BAIAP2L2: variants seen among roughly 807,000 people sequenced by gnomAD.
BAIAP2L2 encodes BAR/IMD domain-containing adapter protein 2-like 2.
Under a neutral mutation model 60.4 loss-of-function variants are expected in BAIAP2L2, and 65 were observed. That is an observed-to-expected ratio of 1.08 (90% CI 0.88 to 1.32). BAIAP2L2 has a LOEUF of 1.32. BAIAP2L2 is among the 40% of genes most tolerant of loss of function. The pLI, the probability that BAIAP2L2 is intolerant of heterozygous loss-of-function variation, is 0.00. For missense variants in BAIAP2L2, 836 were observed against 741.2 expected (o/e 1.13, Z -1.48); for synonymous variants, 344 against 301.7 (o/e 1.14, Z -1.45).
At chr22:38,100,851 G>C (rs1406258585) in intron 4 of BAIAP2L2, among the ~76,000 whole-genome samples, 1 of 152,216 alleles carries the variant, frequency 6.6e-6, no homozygotes, top group East Asian at 1.9e-4. Context: ...CTGAGTGAAA[G>C]AAGCTAGACA....
chr22:38,089,403 G>A, intron 8 of BAIAP2L2, 119 bp downstream of exon 8: 2 of 619,226 alleles, frequency 3.2e-6, no homozygotes, highest in Non-Finnish European at 4.6e-6. Context: ...CAGGCCGGGG[G>A]ATGCAGCGTA....
intron 4 of BAIAP2L2, among the ~76,000 whole-genome samples, chr22:38,099,395 A>G (rs749491872): frequency 1.6e-4 from 24 of 152,134 alleles, no homozygotes; most frequent in Non-Finnish European, 2.9e-4. Context: ...TCAGCCAGGC[A>G]TGGTGGTGCG....
At chr22:38,089,895 C>G (rs949503514) in intron 7 of BAIAP2L2, among the ~76,000 whole-genome samples, 3 of 152,000 alleles carry the variant, frequency 2.0e-5, no homozygotes, top group African/African-American at 7.2e-5. Flanking sequence ...TCTGACCCCC[C>G]GCTTCCCGCG....
At position 38,098,145 on chromosome 22, in the gene BAIAP2L2, T is replaced by C; in HGVS notation, c.383A>G (p.His128Arg). 6.2e-7 allele frequency: 1 copy of C among 1,614,080 alleles called. No individual in the cohort carries two copies. Among genetic ancestry groups the C allele is most frequent in the Non-Finnish European group, 8.5e-7 (1 of 1,180,022 alleles). ...GCACTTCTCCAGGTTGGCCGCTCGG[T>C]GGCGGTACTCGAGCTCATAGTGCTG... ...SRQHYELEYR[H>R]RAANLEKCMS... Residue 128 changes from histidine to arginine, a missense_variant, in exon 6 of 14, where the codon CAC (histidine) becomes CGC (arginine). Transcript: ENST00000381669.
At chr22:38,104,625 A>C (rs913468867) in intron 4 of BAIAP2L2, among the ~76,000 whole-genome samples, 4 of 150,986 alleles carry the variant, frequency 2.6e-5, no homozygotes, top group Non-Finnish European at 5.9e-5. Flanking sequence ...CCTCCCGAGT[A>C]GCTGGGACTA....
intron 4 of BAIAP2L2, among the ~76,000 whole-genome samples, chr22:38,104,548 T>G (rs1246234062): frequency 2.0e-5 from 3 of 148,666 alleles, no homozygotes; most frequent in Admixed American, 1.4e-4. Context: ...CAGGCTGGAG[T>G]GCAGTGGCGC....
intron 7 of BAIAP2L2, chr22:38,093,800 C>G: frequency 4.8e-6 from 2 of 420,298 alleles, no homozygotes; most frequent in South Asian, 1.7e-5. Flanking sequence ...GTTCCACAAA[C>G]AGTTAAACAT....
chr22:38,091,353 G>C (rs1325059677), intron 7 of BAIAP2L2: 2 of 152,330 alleles, frequency 1.3e-5, no homozygotes, highest in East Asian at 1.9e-4. Flanking sequence ...ACTGCACCCA[G>C]TCACATGTCG....
chr22:38,101,872 C>T (rs573367607), intron 4 of BAIAP2L2, among the ~76,000 whole-genome samples: 1 of 151,910 alleles, frequency 6.6e-6, no homozygotes, highest in East Asian at 1.9e-4. Flanking sequence ...AACAAACAAA[C>T]AAAACAAAAC....
At chr22:38,106,932 T>C (rs1409368457) in intron 4 of BAIAP2L2, among the ~76,000 whole-genome samples, 1 of 152,092 alleles carries the variant, frequency 6.6e-6, no homozygotes, top group East Asian at 1.9e-4. Context: ...CTCCCAGTCT[T>C]GGGAGGGATA....
At chr22:38,098,003 TCGCCCCGA>T in intron 6 of BAIAP2L2, 52 bp downstream of exon 6, 3 of 540,970 alleles carry the variant, frequency 5.5e-6, no homozygotes, top group Non-Finnish European at 7.7e-6. Flanking sequence ...GGGCCCGGTC[TCGCCCCGA>T]GGTCTGCCCA....
chr22:38,104,256 A>G (rs144122128), intron 4 of BAIAP2L2, among the ~76,000 whole-genome samples: 10 of 152,322 alleles, frequency 6.6e-5, no homozygotes, highest in Middle Eastern at 3.4e-3. Flanking sequence ...GATGCATGGC[A>G]GATCTAGACA....
At position 38,085,085 on chromosome 22, in the gene BAIAP2L2, G is replaced by C; in HGVS notation, c.*215C>G. The C allele has an allele frequency of 1.9e-6, 1 of 536,818 alleles. No homozygotes were observed. The highest frequency in any genetic ancestry group is 3.4e-6 in the Non-Finnish European group (1 of 298,002). The allele number at this position is 536,818 out of a possible 1,614,324, so 33.3% of individuals were successfully genotyped here. A position where few individuals can be genotyped will look rare whatever the true frequency, so the allele number is the denominator to read the frequency against. On this transcript the variant is annotated 3_prime_UTR_variant, in exon 14 of 14. Transcript: ENST00000381669. ...CCCCTGGAGGGGGAGAAATTGTCCT[G>C]TCCCCCCATTCCGCCTGCTTTACTT...
rs986894172 is a variant in BAIAP2L2 at position 38,085,883 on chromosome 22, C to G, written c.1468-151G>C. 4.3e-5 allele frequency: 35 copies of G among 809,030 alleles called. No individual in the cohort carries two copies. In the African/African-American group the frequency reaches 5.4e-4, roughly 12 times the overall value. 50.1% of individuals were successfully genotyped at this position (809,030 alleles called of 1,614,324 possible). On this transcript the variant is annotated intron_variant, in intron 12 of 13. Coordinates refer to ENST00000381669, the MANE Select transcript of BAIAP2L2 (RefSeq NM_025045.6). ...TCCTGGAAAATGAGACCCTGACGTT[C>G]TGAAGCCCAGAATTCTGTGGGTTGC...
chr22:38,086,467 AG>A lies in BAIAP2L2; in HGVS notation c.1260-19del, dbSNP rs1229539765. The A allele has an allele frequency of 2.7e-6, 4 of 1,477,668 alleles. No homozygotes were observed. The highest frequency in any genetic ancestry group is 3.6e-6 in the Non-Finnish European group (4 of 1,107,034). The allele number at this position is 1,477,668 out of a possible 1,614,324, so 91.5% of individuals were successfully genotyped here. ...GGTAGGACCTAAGTCCAGAGAAAGG[AG>A]GGGGAAGGAAAGGGGTTGGGGCCTG... On this transcript the variant is annotated intron_variant, in intron 11 of 13. Transcript: ENST00000381669.
At chr22:38,089,459 G>C in intron 8 of BAIAP2L2, 63 bp downstream of exon 8, 1 of 978,832 alleles carries the variant, frequency 1.0e-6, no homozygotes, top group Non-Finnish European at 1.3e-6. Flanking sequence ...GGGGCCTGAG[G>C]CCCCGGGCCC....
Position 38,085,707 on chromosome 22 carries a change from G to A in BAIAP2L2, c.1493C>T (p.Pro498Leu), listed in dbSNP as rs200743088. Residue 498 changes from proline (P) to leucine (L), a missense_variant, in exon 13 of 14, where the codon CCA (proline) becomes CTA (leucine). Pro to Leu is a moderately conservative substitution (Grantham distance 98). Transcript: ENST00000381669. The part of the protein sequence containing the change: ...VKKLMSSEQY[P>L]PQELFPRGTN... The stretch of plus-strand genomic sequence containing the variant: ...TCACCTCGGGAAGAGCTCCTGTGGT[G>A]GGTACTGCTCTGAGGACATCAGTTT... The A allele has an allele frequency of 1.9e-6, 3 of 1,612,094 alleles. No individual in the cohort carries two copies. The highest frequency in any genetic ancestry group is 2.5e-6 in the Non-Finnish European group (3 of 1,179,338).
At chr22:38,086,531 G>T in intron 11 of BAIAP2L2, 82 bp from the exon 12 acceptor site, 1 of 1,099,144 alleles carries the variant, frequency 9.1e-7, no homozygotes, top group Non-Finnish European at 1.3e-6. Context: ...GGGCACCTTA[G>T]GCAGGAGGCA....
At position 38,089,532 on chromosome 22, in the gene BAIAP2L2, C is replaced by A. The variant is rs1458418013; in HGVS notation, c.755G>T (p.Cys252Phe). The change falls in exon 8 of 14, where the codon TGC becomes TTC. Residue 252 changes from cysteine (C) to phenylalanine (F), a missense_variant. Transcript: ENST00000381669. ...PYPSGRLTPT[C>F]LDMPPRPLGE... ...CGCCCAGGGCCTCACCATGTCCAGG[C>A]AGGTGGGCGTCAGGCGGCCCGAGGG... 8.2e-7 allele frequency: 1 copy of A among 1,216,680 alleles called. No homozygotes were observed. Among genetic ancestry groups the A allele is most frequent in the Non-Finnish European group, 1.0e-6 (1 of 978,574 alleles). The allele number at this position is 1,216,680 out of a possible 1,614,324, so 75.4% of individuals were successfully genotyped here. A position where few individuals can be genotyped will look rare whatever the true frequency, so the allele number is the denominator to read the frequency against.
Sources: gnomAD v4.1 joint callset for allele counts (sites outside exome capture counted in the v4.1 genomes callset) on GRCh38, gnomAD v4.1.1 for gene constraint, MANE v1.5 for transcripts, NCBI Gene and HGNC (gene_info 2026-07-23, HGNC 2026-07-21) for gene names.